The following ATF7IP2 variants were observed in gnomAD, a reference collection of about 807,000 sequenced individuals.
The protein encoded by ATF7IP2 is activating transcription factor 7-interacting protein 2.
In ATF7IP2, 42 loss-of-function variants were observed where a neutral mutation model predicts 64.2. The ratio of observed to expected loss-of-function variants is 0.65; its 90% CI spans 0.51 to 0.85. ATF7IP2 has a LOEUF of 0.85. Among genes scored for constraint, ATF7IP2 ranks in the 40% least tolerant of loss-of-function variants. ATF7IP2 has a pLI of 0.00. For synonymous variants in ATF7IP2, 308 were observed against 272.8 expected (o/e 1.13, Z -1.27); for missense variants, 933 against 784.2 (o/e 1.19, Z -2.27).
At chr16:10,404,485 G>C (rs986628963) in intron 1 of ATF7IP2, among the ~76,000 whole-genome samples, 71 of 152,220 alleles carry the variant, frequency 4.7e-4, no homozygotes, top group African/African-American at 1.5e-3. Flanking sequence ...CTTTATAAAT[G>C]ATCCACCCAC....
intron 3 of ATF7IP2, among the ~76,000 whole-genome samples, chr16:10,423,556 CCAAA>C (rs1429453796): frequency 6.6e-6 from 1 of 152,096 alleles, no homozygotes; most frequent in Non-Finnish European, 1.5e-5. Context: ...AAGGCACTGC[CCAAA>C]CAGTTACTGG....
rs556924241 is a variant in ATF7IP2, at chr16:10,438,310, C to T, written c.1095+75C>T. 1,090 of 1,414,604 alleles carry T rather than the reference C, an allele frequency of 7.7e-4. 16 individuals are homozygous for T. In the South Asian group the frequency reaches 0.015, roughly 20 times the overall value. 87.6% of individuals were successfully genotyped at this position (1,414,604 alleles called of 1,614,324 possible). A position where few individuals can be genotyped will look rare whatever the true frequency, so the allele number is the denominator to read the frequency against. Reference sequence around the variant, plus strand: ...TTGCTCTGTTGCTCAGGCTGCAGTACGGTGGCTCACTGCAGCCTCTGCCTT... The same window carrying T: ...TTGCTCTGTTGCTCAGGCTGCAGTATGGTGGCTCACTGCAGCCTCTGCCTT... On this transcript the variant is annotated intron_variant, in intron 7 of 13. Transcript: ENST00000562102.
At chr16:10,432,959 T>C (rs536878036) in intron 5 of ATF7IP2, among the ~76,000 whole-genome samples, 1 of 152,156 alleles carries the variant, frequency 6.6e-6, no homozygotes, top group East Asian at 1.9e-4. Context: ...ATGCCATAAT[T>C]TGTTAAGTTT....
rs979355228 is a variant in ATF7IP2, at chr16:10,421,512, CACTT to C, written c.-160+1891_-160+1894del. ...ATGTCCCCTAGTAATTTTTGAAAGT[CACTT>C]AATGTTTTCAATTGATCCCTACGTA... On this transcript the variant is annotated intron_variant, in intron 3 of 13. Coordinates refer to ENST00000562102, the MANE Select transcript of ATF7IP2 (RefSeq NM_001393719.1). 2.2e-4 allele frequency among the ~76,000 whole-genome samples: 34 copies of C among 152,226 alleles called. 1 individual carries two copies. Among genetic ancestry groups the C allele is most frequent in the African/African-American group, 7.5e-4 (31 of 41,530 alleles).
chr16:10,430,541 C>A, intron 4 of ATF7IP2, 70 bp from the exon 5 acceptor site: 1 of 869,128 alleles, frequency 1.2e-6, no homozygotes, highest in African/African-American at 1.7e-5. Flanking sequence ...AAATAAATAA[C>A]TTTAATTCAG....
intron 7 of ATF7IP2, among the ~76,000 whole-genome samples, chr16:10,438,742 C>A (rs2048506628): frequency 6.6e-6 from 1 of 152,074 alleles, no homozygotes; most frequent in African/African-American, 2.4e-5. Flanking sequence ...CATTCTGTGT[C>A]AATTGACAGG....
chr16:10,461,024 T>C (rs2049356783), intron 9 of ATF7IP2, among the ~76,000 whole-genome samples: 1 of 151,898 alleles, frequency 6.6e-6, no homozygotes, highest in Non-Finnish European at 1.5e-5. Context: ...AAAAGAAAAA[T>C]GGGCAAAAGA....
At chr16:10,399,940 G>T (rs139961234) in intron 1 of ATF7IP2, among the ~76,000 whole-genome samples, 1 of 152,092 alleles carries the variant, frequency 6.6e-6, no homozygotes, top group African/African-American at 2.4e-5. Flanking sequence ...TTTATTTTAC[G>T]TTTTGTAGCT....
In ATF7IP2 at chr16:10,481,945, A is replaced by C. The variant is rs971063244; in HGVS notation, c.1745A>C (p.Lys582Thr). The C allele has an allele frequency of 6.2e-7, 1 of 1,614,200 alleles. No individual in the cohort carries two copies. Among genetic ancestry groups the C allele is most frequent in the Non-Finnish European group, 8.5e-7 (1 of 1,180,016 alleles). The change falls in exon 14 of 14, where the codon AAA becomes ACA. Residue 582 changes from lysine (K) to threonine (T), a missense_variant. Lys to Thr is a moderately conservative substitution (Grantham distance 78, BLOSUM62 -1). Transcript: ENST00000562102. ...DTLPPQKPEL[K>T]VKRVFRPNGI... Reference sequence around the variant, plus strand: ...CTTCCTCCCCAGAAGCCTGAGCTCAAAGTGAAACGGGTTTTCAGACCCAAT... The same window carrying C: ...CTTCCTCCCCAGAAGCCTGAGCTCACAGTGAAACGGGTTTTCAGACCCAAT...
chr16:10,442,930 C>T (rs1170745368), intron 8 of ATF7IP2, among the ~76,000 whole-genome samples: 3 of 152,132 alleles, frequency 2.0e-5, no homozygotes, highest in Non-Finnish European at 4.4e-5. Flanking sequence ...TGTTTGGTTT[C>T]ATGCTTTAAA....
At chr16:10,460,704 C>T (rs1184671841) in intron 9 of ATF7IP2, among the ~76,000 whole-genome samples, 1 of 152,000 alleles carries the variant, frequency 6.6e-6, no homozygotes, top group Non-Finnish European at 1.5e-5. Flanking sequence ...CAAAAAAACT[C>T]ATATGGATTA....
chr16:10,395,213 C>T (rs2047399598), intron 1 of ATF7IP2, among the ~76,000 whole-genome samples: 1 of 151,842 alleles, frequency 6.6e-6, no homozygotes. Flanking sequence ...GTATGGTACT[C>T]CATTTAATAG....
At chr16:10,453,832 G>C (rs1252534919) in intron 8 of ATF7IP2, among the ~76,000 whole-genome samples, 5 of 151,958 alleles carry the variant, frequency 3.3e-5, no homozygotes, top group Non-Finnish European at 5.9e-5. Flanking sequence ...GGTCAGGCTG[G>C]TCTTGAACTC....
At chr16:10,392,726 A>T (rs1397570712) in intron 1 of ATF7IP2, among the ~76,000 whole-genome samples, 1 of 152,084 alleles carries the variant, frequency 6.6e-6, no homozygotes. Context: ...AGGCCCATAA[A>T]TTGTCTAATG....
chr16:10,413,023 C>G (rs953885209), intron 1 of ATF7IP2, among the ~76,000 whole-genome samples: 1 of 152,156 alleles, frequency 6.6e-6, no homozygotes, highest in African/African-American at 2.4e-5. Flanking sequence ...TGTCTTTTTC[C>G]ACCCCTTTAC....
chr16:10,417,236 TA>T (rs2047897284), intron 2 of ATF7IP2, among the ~76,000 whole-genome samples: 5 of 152,102 alleles, frequency 3.3e-5, no homozygotes, highest in Admixed American at 3.3e-4. Flanking sequence ...ATATTAATAT[TA>T]ACATGGAACC....
At chr16:10,402,969 C>A (rs2047564965) in intron 1 of ATF7IP2, among the ~76,000 whole-genome samples, 1 of 151,674 alleles carries the variant, frequency 6.6e-6, no homozygotes, top group South Asian at 2.1e-4. Context: ...GGAGAATGTT[C>A]CATGTGCTAA....
intron 8 of ATF7IP2, among the ~76,000 whole-genome samples, chr16:10,444,206 G>T (rs575082629): frequency 1.3e-5 from 2 of 152,192 alleles, no homozygotes; most frequent in Non-Finnish European, 2.9e-5. Flanking sequence ...GGTAGCTAAC[G>T]AAAGAAAGAG....
chr16:10,431,171 C>G lies in ATF7IP2; in HGVS notation c.551C>G (p.Thr184Arg), dbSNP rs751515922. 5 of 1,614,062 alleles carry G rather than the reference C, an allele frequency of 3.1e-6. No individual in the cohort carries two copies. The highest frequency in any genetic ancestry group is 1.7e-5 in the Admixed American group (1 of 60,004). ...LSGVVQMPES[T>R]VTSTVGDKKT... ...GGTGTTGTTCAGATGCCAGAGTCTA[C>G]AGTAACCAGTACCGTGGGTGACAAG... is the stretch of plus-strand genomic sequence containing the variant. Residue 184 changes from threonine to arginine, a missense_variant, in exon 5 of 14, where the codon ACA (threonine) becomes AGA (arginine). Physicochemically the swap from Thr to Arg is moderately conservative, Grantham distance 71 (BLOSUM62 -1). Transcript: ENST00000562102.
Sources: gnomAD v4.1 joint callset for allele counts (sites outside exome capture counted in the v4.1 genomes callset) on GRCh38, gnomAD v4.1.1 for gene constraint, MANE v1.5 for transcripts, NCBI Gene and HGNC (gene_info 2026-07-23, HGNC 2026-07-21) for gene names.